MPG: variants seen among roughly 807,000 people sequenced by gnomAD.
MPG encodes the protein DNA-3-methyladenine glycosylase.
In MPG, 33 loss-of-function variants were observed where a neutral mutation model predicts 31.7. That is an observed-to-expected ratio of 1.04 (90% CI 0.79 to 1.39). The LOEUF (loss-of-function observed/expected upper bound fraction) is 1.39. Ranked by LOEUF, MPG falls within the 40% of genes most tolerant of loss-of-function variation. The pLI is 0.00. For missense variants in MPG, 455 were observed against 415.5 expected, an observed-to-expected ratio of 1.10 and a Z score of -0.83; for synonymous variants, 202 against 169.2, an observed-to-expected ratio of 1.19 and a Z score of -1.51.
chr16:78,340 G>C lies in MPG; in HGVS notation c.24+7G>C. ...CGCGCGCAGCGGGGCCCAGGTGAGC[G>C]CGCGCCTCGGCCGCCCCGCGGAACA... On this transcript the variant is annotated splice_region_variant and intron_variant, in intron 1 of 3. Coordinates refer to ENST00000356432, the MANE Select transcript of MPG (RefSeq NM_001015052.3). 8.0e-6 allele frequency: 10 copies of C among 1,248,270 alleles called. No individual in the cohort carries two copies. The highest frequency in any genetic ancestry group is 1.0e-5 in the Non-Finnish European group (10 of 997,424). 77.3% of individuals were successfully genotyped at this position (1,248,270 alleles called of 1,614,324 possible). A position where few individuals can be genotyped will look rare whatever the true frequency, so the allele number is the denominator to read the frequency against.
intron 3 of MPG, among the ~76,000 whole-genome samples, chr16:85,022 C>T (rs769498577): frequency 7.2e-5 from 11 of 152,240 alleles, no homozygotes; most frequent in Non-Finnish European, 1.6e-4. Flanking sequence ...TGCTGCCAGT[C>T]ACAAGACCAG....
intron 2 of MPG, chr16:79,930 G>A (rs937198252): frequency 1.7e-6 from 1 of 595,572 alleles, no homozygotes. Context: ...GAGCAGGGGT[G>A]CCACTGTCTG....
Position 85,521 on chromosome 16 carries a change from T to C in MPG, c.626T>C (p.Leu209Pro). Residue 209 changes from leucine (L) to proline (P), a missense_variant, in exon 4 of 4, where the codon CTC becomes CCC. Coordinates refer to ENST00000356432, the MANE Select transcript of MPG (RefSeq NM_001015052.3). ...AGCCGTGTCCTCAAGGACCGCGAGC[T>C]CTGCAGTGGCCCCTCCAAGCTGTGC... The part of the protein sequence containing the change: ...TASRVLKDRE[L>P]CSGPSKLCQA... The C allele has an allele frequency of 6.2e-7, 1 of 1,613,376 alleles. No individual in the cohort carries two copies. Among genetic ancestry groups the C allele is most frequent in the South Asian group, 1.1e-5 (1 of 91,084 alleles).
chr16:83,070 C>T lies in MPG; in HGVS notation c.319C>T (p.Pro107Ser). Residue 107 changes from proline (P) to serine (S), a missense_variant, in exon 3 of 4, where the codon CCT (proline) becomes TCT (serine). Coordinates refer to ENST00000356432, the MANE Select transcript of MPG (RefSeq NM_001015052.3). The part of the protein sequence containing the change: ...FLGQVLVRRL[P>S]NGTELRGRIV... ...CCCACAGGTCCTAGTCCGGCGACTT[C>T]CTAATGGCACAGAACTCCGAGGCCG... is the stretch of plus-strand genomic sequence containing the variant. 6.2e-7 allele frequency: 1 copy of T among 1,606,520 alleles called. No homozygotes were observed. Among genetic ancestry groups the T allele is most frequent in the South Asian group, 1.1e-5 (1 of 90,640 alleles).
At position 85,595 on chromosome 16, in the gene MPG, G is replaced by T. The variant is rs367648016; in HGVS notation, c.700G>T (p.Asp234Tyr). Residue 234 changes from aspartate (D) to tyrosine (Y), a missense_variant, in exon 4 of 4, where the codon GAT becomes TAT. Physicochemically the swap from Asp to Tyr is radical, Grantham distance 160. Transcript: ENST00000356432. ...CTTTGACCAGAGGGACCTGGCACAG[G>T]ATGAAGCTGTATGGCTGGAGCGTGG... ...KSFDQRDLAQ[D>Y]EAVWLERGPL... 6 of 1,612,060 alleles carry T rather than the reference G, an allele frequency of 3.7e-6. No individual in the cohort carries two copies. The African/African-American group carries it at 8.0e-5, about 22-fold the overall frequency.
chr16:77,145 G>A (rs997192210), upstream of MPG: 7 of 152,322 alleles, frequency 4.6e-5, no homozygotes, highest in Non-Finnish European at 8.8e-5. Context: ...TCCAGGACCA[G>A]GGTCACAGAA....
chr16:78,171 C>T (rs1898139700), upstream of MPG: 4 of 703,968 alleles, frequency 5.7e-6, no homozygotes, highest in Non-Finnish European at 7.8e-6. Context: ...CCGGCGCTCA[C>T]TGCCCCCCTT....
intron 2 of MPG, 109 bp from the exon 3 acceptor site, chr16:82,943 T>G: frequency 4.2e-6 from 4 of 942,616 alleles, no homozygotes; most frequent in Non-Finnish European, 6.4e-6. Context: ...TGGCTAGACC[T>G]GGGCGGCTGA....
chr16:83,218 T>G lies in MPG; in HGVS notation c.467T>G (p.Ile156Ser). 1 of 1,613,008 alleles carries G rather than the reference T, an allele frequency of 6.2e-7. No homozygotes were observed. Among genetic ancestry groups the G allele is most frequent in the Non-Finnish European group, 8.5e-7 (1 of 1,179,880 alleles). ...MKPGTLYVYIIYGMYFCMNIS... is the reference protein window; with the variant it reads ...MKPGTLYVYISYGMYFCMNIS... ...CCGGGGACCCTGTACGTGTACATCA[T>G]TTACGGCATGTACTTCTGCATGAAC... The change falls in exon 3 of 4, where the codon ATT (isoleucine) becomes AGT (serine). Residue 156 changes from isoleucine to serine, a missense_variant. Physicochemically the swap from Ile to Ser is moderately radical, Grantham distance 142. Transcript: ENST00000356432.
In MPG at chr16:85,565, A is replaced by G; in HGVS notation, c.670A>G (p.Lys224Glu). Residue 224 changes from lysine (K) to glutamate (E), a missense_variant, in exon 4 of 4, where the codon AAG (lysine) becomes GAG (glutamate). By Grantham distance (56) the Lys-to-Glu change is moderately conservative. Transcript: ENST00000356432. ...SKLCQALAINKSFDQRDLAQD... is the reference protein window; with the variant it reads ...SKLCQALAINESFDQRDLAQD... ...GCTGTGCCAGGCCCTGGCCATCAAC[A>G]AGAGCTTTGACCAGAGGGACCTGGC... The G allele has an allele frequency of 6.2e-7, 1 of 1,613,392 alleles. No individual in the cohort carries two copies. Among genetic ancestry groups the G allele is most frequent in the African/African-American group, 1.3e-5 (1 of 75,066 alleles).
At chr16:77,965 A>T, upstream of MPG, 6 of 185,102 alleles carry the variant, frequency 3.2e-5, no homozygotes, top group Non-Finnish European at 4.5e-5. Flanking sequence ...ACCAGGGCGC[A>T]GGCGGGGGCG....
intron 3 of MPG, 23 bp downstream of exon 3, chr16:83,279 G>T (rs768904549): frequency 2.5e-6 from 4 of 1,597,318 alleles, no homozygotes; most frequent in Non-Finnish European, 3.4e-6. Context: ...GGGGCACGGG[G>T]GGTTGGAGGG....
At chr16:81,888 G>A (rs78916729) in intron 2 of MPG, among the ~76,000 whole-genome samples, 13 of 111,332 alleles carry the variant, frequency 1.2e-4, no homozygotes, top group South Asian at 6.5e-4. Context: ...CCCTACCTCC[G>A]GGAAGGCCTC....
intron 2 of MPG, 169 bp downstream of exon 2, chr16:79,869 G>C (rs2141883133): frequency 1.3e-6 from 1 of 760,792 alleles, no homozygotes; most frequent in South Asian, 1.9e-5. Context: ...TCAGTTGCCT[G>C]AGGTCATCTG....
At chr16:81,883 C>T (rs71382256) in intron 2 of MPG, among the ~76,000 whole-genome samples, 18,445 of 49,010 alleles carry the variant, frequency 0.38, 2,966 homozygotes, top group Non-Finnish European at 0.56. Flanking sequence ...CACCACCCTA[C>T]CTCCGGGAAG....
chr16:78,440 C>G (rs1449660279), intron 1 of MPG, 107 bp downstream of exon 1: 2 of 986,340 alleles, frequency 2.0e-6, no homozygotes, highest in African/African-American at 3.4e-5. Flanking sequence ...GTAGCGCCCA[C>G]CGCCCCGAGG....
chr16:78,691 C>T (rs567597396), intron 1 of MPG, among the ~76,000 whole-genome samples: 17 of 152,342 alleles, frequency 1.1e-4, no homozygotes, highest in Non-Finnish European at 2.2e-4. Context: ...AAGACCAGCC[C>T]TCCGGGTGCT....
In MPG at chr16:79,496, A is replaced by C. The variant is rs746329837; in HGVS notation, c.96A>C (p.Ala32=). The change falls in exon 2 of 4, where the codon GCA becomes GCC. Residue 32 remains alanine (A), a synonymous_variant. Transcript: ENST00000356432. The part of the protein sequence containing the change: ...RAGQPHSSSD[A]AQAPAEQPHS... ...GGCAGCCACACAGCTCGTCCGACGC[A>C]GCCCAGGCACCTGCAGAGCAGCCAC... The C allele has an allele frequency of 1.4e-5, 22 of 1,612,688 alleles. No homozygotes were observed. Among genetic ancestry groups the C allele is most frequent in the Non-Finnish European group, 1.8e-5 (21 of 1,179,770 alleles).
intron 2 of MPG, 42 bp from the exon 3 acceptor site, chr16:83,010 C>T: frequency 1.3e-6 from 2 of 1,513,182 alleles, no homozygotes; most frequent in Non-Finnish European, 1.8e-6. Flanking sequence ...GTGAGTGGAC[C>T]CCCATCCCTT....
Sources: allele counts gnomAD v4.1 joint callset (sites outside exome capture counted in the v4.1 genomes callset), GRCh38; gene constraint gnomAD v4.1.1; transcripts MANE v1.5; gene names NCBI Gene and HGNC (gene_info 2026-07-23, HGNC 2026-07-21).